The following GLRA3 variants were observed in gnomAD, a reference collection of about 807,000 sequenced individuals.
GLRA3 encodes glycine receptor alpha 3.
Under a neutral mutation model 60.4 loss-of-function variants are expected in GLRA3, and 44 were observed. That is an observed-to-expected ratio of 0.73 (90% CI 0.57 to 0.94). The LOEUF (loss-of-function observed/expected upper bound fraction) is 0.94. GLRA3 is among the 40% of genes least tolerant of loss of function. GLRA3 has a pLI of 0.00. For missense variants in GLRA3, 508 were observed against 564.6 expected (o/e 0.90, Z 1.02); for synonymous variants, 223 against 192.9 (o/e 1.16, Z -1.29).
At chr4:174,682,127 A>G (rs1240978266) in intron 6 of GLRA3, among the ~76,000 whole-genome samples, 1 of 152,182 alleles carries the variant, frequency 6.6e-6, no homozygotes, top group Non-Finnish European at 1.5e-5. Flanking sequence ...TGCCTCAATC[A>G]TGGGCTGTTT....
chr4:174,764,148 C>A (rs1738046410), intron 3 of GLRA3, among the ~76,000 whole-genome samples: 1 of 151,676 alleles, frequency 6.6e-6, no homozygotes, highest in Non-Finnish European at 1.5e-5. Flanking sequence ...TAAATTTGTG[C>A]AAGAAAAATA....
intron 7 of GLRA3, among the ~76,000 whole-genome samples, chr4:174,665,119 C>T (rs1200593923): frequency 6.6e-6 from 1 of 152,148 alleles, no homozygotes; most frequent in African/African-American, 2.4e-5. Flanking sequence ...GGGATAATTA[C>T]CACCTTATGC....
At chr4:174,765,468 T>C (rs1738104275) in intron 3 of GLRA3, among the ~76,000 whole-genome samples, 4 of 152,154 alleles carry the variant, frequency 2.6e-5, no homozygotes, top group South Asian at 4.2e-4. Flanking sequence ...TATAGAGAAG[T>C]ATATTTCCAG....
chr4:174,659,224 G>A (rs752945115), intron 7 of GLRA3, 27 bp from the exon 8 acceptor site: 10 of 1,582,050 alleles, frequency 6.3e-6, no homozygotes, highest in Non-Finnish European at 6.9e-6. Flanking sequence ...GAGAAAGCAA[G>A]CAAATTCACT....
intron 2 of GLRA3, among the ~76,000 whole-genome samples, chr4:174,767,828 G>A (rs1738212408): frequency 6.6e-6 from 1 of 152,082 alleles, no homozygotes; most frequent in Non-Finnish European, 1.5e-5. Flanking sequence ...CAGGCACACA[G>A]CCCTATGTGC....
intron 9 of GLRA3, among the ~76,000 whole-genome samples, chr4:174,653,770 A>G (rs1033472833): frequency 1.3e-5 from 2 of 152,086 alleles, no homozygotes; most frequent in Non-Finnish European, 1.5e-5. Context: ...AAAAAGCAGC[A>G]TTTCTATTTT....
At chr4:174,754,033 CT>C (rs1737591814) in intron 3 of GLRA3, among the ~76,000 whole-genome samples, 1 of 151,984 alleles carries the variant, frequency 6.6e-6, no homozygotes, top group Non-Finnish European at 1.5e-5. Context: ...GGAAATGTGC[CT>C]TTTAACATTG....
chr4:174,691,534 C>A (rs920784232), intron 5 of GLRA3, among the ~76,000 whole-genome samples: 1 of 152,026 alleles, frequency 6.6e-6, no homozygotes, highest in African/African-American at 2.4e-5. Context: ...CGATTGCAGG[C>A]GCGCGCGCCG....
chr4:174,785,256 G>C (rs1050432934), intron 2 of GLRA3, among the ~76,000 whole-genome samples: 1 of 151,996 alleles, frequency 6.6e-6, no homozygotes, highest in Non-Finnish European at 1.5e-5. Flanking sequence ...GTAAATGTTA[G>C]AAGTAGAAAG....
intron 2 of GLRA3, among the ~76,000 whole-genome samples, chr4:174,768,991 GT>G (rs568856434): frequency 4.6e-5 from 7 of 151,162 alleles, no homozygotes; most frequent in South Asian, 4.2e-4. Context: ...TAATTTCTTT[GT>G]TTTTTTTTAA....
intron 1 of GLRA3, among the ~76,000 whole-genome samples, chr4:174,793,976 T>G (rs180671254): frequency 3.6e-4 from 55 of 152,266 alleles, no homozygotes; most frequent in African/African-American, 1.3e-3. Context: ...GACAAAAAAG[T>G]AATTTTATTT....
chr4:174,777,164 G>GA (rs1394297986), intron 2 of GLRA3, among the ~76,000 whole-genome samples: 1 of 151,958 alleles, frequency 6.6e-6, no homozygotes, highest in Non-Finnish European at 1.5e-5. Flanking sequence ...GAGATAGGCA[G>GA]AAAAAAATAG....
chr4:174,674,897 C>T (rs1734054238), intron 7 of GLRA3, among the ~76,000 whole-genome samples: 2 of 152,044 alleles, frequency 1.3e-5, no homozygotes, highest in Non-Finnish European at 2.9e-5. Flanking sequence ...CTCTCTGGCC[C>T]AAAATAGTTG....
intron 6 of GLRA3, among the ~76,000 whole-genome samples, chr4:174,681,959 C>T (rs925987335): frequency 6.6e-6 from 1 of 152,098 alleles, no homozygotes; most frequent in African/African-American, 2.4e-5. Flanking sequence ...TGTGAATTTG[C>T]TAAGGAGATA....
intron 7 of GLRA3, among the ~76,000 whole-genome samples, 160 bp from the exon 8 acceptor site, chr4:174,659,357 T>G (rs1344825947): frequency 6.6e-6 from 1 of 152,212 alleles, no homozygotes; most frequent in African/African-American, 2.4e-5. Flanking sequence ...TTAGTTATTT[T>G]TGTAAATTTT....
intron 4 of GLRA3, chr4:174,722,483 T>C (rs903698618): frequency 6.6e-6 from 1 of 152,220 alleles, no homozygotes; most frequent in Admixed American, 6.5e-5. Context: ...TGAATTCCCC[T>C]ATGTTGACGT....
At chr4:174,823,130 T>C (rs190577534) in intron 1 of GLRA3, among the ~76,000 whole-genome samples, 1 of 152,302 alleles carries the variant, frequency 6.6e-6, no homozygotes, top group Non-Finnish European at 1.5e-5. Flanking sequence ...AATTTCTGCC[T>C]GCACTCCAGA....
intron 2 of GLRA3, among the ~76,000 whole-genome samples, chr4:174,768,299 A>C (rs987222496): frequency 1.3e-5 from 2 of 152,142 alleles, no homozygotes; most frequent in Admixed American, 6.5e-5. Flanking sequence ...TCTTGAATAA[A>C]CACTCTTCAG....
chr4:174,733,031 T>C (rs1736615628), intron 3 of GLRA3, among the ~76,000 whole-genome samples: 1 of 152,184 alleles, frequency 6.6e-6, no homozygotes. Context: ...ATCACATATA[T>C]ATTATGTATG....
Sources: allele counts gnomAD v4.1 joint callset (sites outside exome capture counted in the v4.1 genomes callset), GRCh38; gene constraint gnomAD v4.1.1; transcripts MANE v1.5; gene names NCBI Gene and HGNC (gene_info 2026-07-23, HGNC 2026-07-21).